The following PRDM16 variants were observed in gnomAD, a reference collection of about 807,000 sequenced individuals.
PRDM16 encodes PR/SET domain 16, also known as histone-lysine N-methyltransferase PRDM16.
Under a neutral mutation model 110.6 loss-of-function variants are expected in PRDM16, and 23 were observed. The ratio of observed to expected loss-of-function variants is 0.21; its 90% CI spans 0.15 to 0.29. PRDM16 has a LOEUF of 0.29. Among genes scored for constraint, PRDM16 ranks in the 10% least tolerant of loss-of-function variants. The pLI, the probability that PRDM16 is intolerant of heterozygous loss-of-function variation, is 1.00. For synonymous variants in PRDM16, 799 were observed against 781.8 expected (o/e 1.02, Z -0.37); for missense variants, 1,615 against 1,794.3 (o/e 0.90, Z 1.81).
At position 3,298,051 on chromosome 1, in the gene PRDM16, T is replaced by G. The variant is rs542777716; in HGVS notation, c.438+53914T>G. Among the ~76,000 whole-genome samples the G allele has an allele frequency of 1.1e-4, 17 of 149,864 alleles. No individual in the cohort carries two copies. The East Asian group carries it at 3.3e-3, about 29-fold the overall frequency. ...ACCCAAGGTACACTAAGGAAGCTGC[T>G]GAGAGTTCTGCAGCACCAGGGCGAT... On this transcript the variant is annotated intron_variant, in intron 3 of 16. Transcript: ENST00000270722.
intron 1 of PRDM16, among the ~76,000 whole-genome samples, chr1:3,094,075 C>T (rs1025863471): frequency 1.9e-4 from 29 of 152,236 alleles, no homozygotes; most frequent in African/African-American, 1.2e-4. Flanking sequence ...GTGGTGGCTG[C>T]AGCCAGTGTG....
intron 1 of PRDM16, among the ~76,000 whole-genome samples, chr1:3,091,035 A>G (rs1303521210): frequency 1.3e-5 from 2 of 152,212 alleles, no homozygotes; most frequent in Non-Finnish European, 2.9e-5. Flanking sequence ...CGGAGACCTC[A>G]GCCGCAAACT....
chr1:3,245,504 GA>G lies in PRDM16; in HGVS notation c.438+1370del, dbSNP rs200755414. On this transcript the variant is annotated intron_variant, in intron 3 of 16. Transcript: ENST00000270722. The surrounding 1 kb of genome is among the most constrained non-coding windows in gnomAD (Gnocchi z 4.7). ...GCAGTGACCCGCTGAAGGGCCTCCG[GA>G]AACTGGGTGAACTGGTTCCCGTGTC... is the stretch of plus-strand genomic sequence containing the variant. Among the ~76,000 whole-genome samples the G allele has an allele frequency of 8.4e-3, 1,276 of 152,286 alleles. 18 individuals carry two copies. The highest frequency in any genetic ancestry group is 0.029 in the African/African-American group (1,214 of 41,550).
chr1:3,391,961 C>T (rs1643308037), intron 4 of PRDM16, among the ~76,000 whole-genome samples: 1 of 152,238 alleles, frequency 6.6e-6, no homozygotes. Context: ...CTGGGCCGGC[C>T]TCGGGGCTCG....
chr1:3,412,513 C>T lies in PRDM16; in HGVS notation c.2316C>T (p.Pro772=), dbSNP rs1643709868. ...LKVGGPSAEC[P]FDLTTKPKDV... is the part of the protein sequence containing the mutation. The stretch of plus-strand genomic sequence containing the variant: ...TGGGCGGCCCCAGTGCCGAGTGCCC[C>T]TTTGATCTCACCACCAAGCCCAAAG... Residue 772 remains proline (P), a synonymous_variant, in exon 9 of 17, where the codon CCC becomes CCT. Transcript: ENST00000270722. 6.2e-7 allele frequency: 1 copy of T among 1,613,104 alleles called. No homozygotes were observed. The highest frequency in any genetic ancestry group is 1.3e-5 in the African/African-American group (1 of 74,948).
At position 3,425,506 on chromosome 1, in the gene PRDM16, TC is replaced by T; in HGVS notation, c.2940-69del. The T allele has an allele frequency of 2.7e-6, 4 of 1,501,694 alleles. No homozygotes were observed. The highest frequency in any genetic ancestry group is 2.7e-6 in the Non-Finnish European group (3 of 1,100,252). The allele number at this position is 1,501,694 out of a possible 1,614,324, so 93.0% of individuals were successfully genotyped here. A position where few individuals can be genotyped will look rare whatever the true frequency, so the allele number is the denominator to read the frequency against. The stretch of plus-strand genomic sequence containing the variant: ...CACGGGGCAGGGGCGCGGGCTCCCT[TC>T]CCCCCACCCTCTGTGGCCCGGCCTG... On this transcript the variant is annotated intron_variant, in intron 12 of 16. Coordinates refer to ENST00000270722, the MANE Select transcript of PRDM16 (RefSeq NM_022114.4). The surrounding 1 kb of genome is among the most constrained non-coding windows in gnomAD (Gnocchi z 6.9).
At chr1:3,196,525 G>A (rs1036303292) in intron 2 of PRDM16, among the ~76,000 whole-genome samples, 3 of 152,334 alleles carry the variant, frequency 2.0e-5, no homozygotes, top group South Asian at 2.1e-4. Context: ...CTCACCGCCC[G>A]GTGCCCCTGC....
chr1:3,077,441 A>T (rs1641925790), intron 1 of PRDM16, among the ~76,000 whole-genome samples: 1 of 152,230 alleles, frequency 6.6e-6, no homozygotes, highest in Admixed American at 6.5e-5. Context: ...GCTTTGGAGA[A>T]TAAAAGTGAG....
chr1:3,403,303 G>T (rs2100643449), intron 6 of PRDM16, among the ~76,000 whole-genome samples: 1 of 152,204 alleles, frequency 6.6e-6, no homozygotes, highest in East Asian at 1.9e-4. Context: ...TGCCTGCCAG[G>T]GCTGCGCTGC....
At chr1:3,396,252 T>C (rs1292318217) in intron 4 of PRDM16, 1 of 565,490 alleles carries the variant, frequency 1.8e-6, no homozygotes, top group Non-Finnish European at 3.4e-6. Context: ...TCCTACCTGT[T>C]TAGTCGGCCA....
chr1:3,243,974 G>T lies in PRDM16; in HGVS notation c.388-113G>T. ...TTTCCTGCTGTGGAGAAGCCACTGG[G>T]TCCCACCCTGTGACTTTTGGGGACA... On this transcript the variant is annotated intron_variant, in intron 2 of 16. Transcript: ENST00000270722. The surrounding 1 kb of genome is among the most constrained non-coding windows in gnomAD (Gnocchi z 5.5). 9.6e-7 allele frequency: 1 copy of T among 1,036,790 alleles called. No homozygotes were observed. Among genetic ancestry groups the T allele is most frequent in the Non-Finnish European group, 1.5e-6 (1 of 662,348 alleles). The allele number at this position is 1,036,790 out of a possible 1,614,324, so 64.2% of individuals were successfully genotyped here. A position where few individuals can be genotyped will look rare whatever the true frequency, so the allele number is the denominator to read the frequency against.
At chr1:3,422,121 ACAGACAGGCAGG>A (rs968092031) in intron 12 of PRDM16, among the ~76,000 whole-genome samples, 9 of 150,464 alleles carry the variant, frequency 6.0e-5, no homozygotes, top group South Asian at 2.1e-4. Context: ...AGACAGATGG[ACAGACAGGCAGG>A]CAGACAGGCA....
Position 3,425,765 on chromosome 1 carries a change from G to T in PRDM16, c.3109+15G>T, listed in dbSNP as rs779637068. Reference sequence around the variant, plus strand: ...GAACGCACCAGGTGGGCCACGCGGGGTGGGGCAGCCCCCAGAGCACCCACA... The same window carrying T: ...GAACGCACCAGGTGGGCCACGCGGGTTGGGGCAGCCCCCAGAGCACCCACA... On this transcript the variant is annotated intron_variant, in intron 13 of 16. Coordinates refer to ENST00000270722, the MANE Select transcript of PRDM16 (RefSeq NM_022114.4). The surrounding 1 kb of genome is among the most constrained non-coding windows in gnomAD (Gnocchi z 6.9). 1.9e-6 allele frequency: 3 copies of T among 1,612,866 alleles called. No homozygotes were observed. Among genetic ancestry groups the T allele is most frequent in the Middle Eastern group, 1.7e-4 (1 of 6,060 alleles).
rs538506716 is a variant in PRDM16, at chr1:3,114,666, A to G, written c.37+45370A>G. Among the ~76,000 whole-genome samples, 23 of 152,216 alleles carry G rather than the reference A, an allele frequency of 1.5e-4. No individual in the cohort carries two copies. The South Asian group carries it at 3.3e-3, about 22-fold the overall frequency. On this transcript the variant is annotated intron_variant, in intron 1 of 16. Coordinates refer to ENST00000270722, the MANE Select transcript of PRDM16 (RefSeq NM_022114.4). ...CAAGCACACACACGTGCACACACAA[A>G]CACACATGCACACATGCACCCGGGT...
chr1:3,316,737 A>C (rs931816082), intron 3 of PRDM16, among the ~76,000 whole-genome samples: 2 of 152,098 alleles, frequency 1.3e-5, no homozygotes, highest in African/African-American at 4.8e-5. Context: ...GACACGGTGT[A>C]GGCAGGAAAC....
rs544878202 is a variant in PRDM16 at position 3,265,277 on chromosome 1, G to C, written c.438+21140G>C. 5.0e-4 allele frequency among the ~76,000 whole-genome samples: 76 copies of C among 152,262 alleles called. No individual in the cohort carries two copies. In the South Asian group the frequency reaches 0.014, roughly 28 times the overall value. Reference sequence around the variant, plus strand: ...CCTTACGGTTGGGACAGAAGCCTCAGGGTGCAGGGGGAGCGGACAGGAATG... The same window carrying C: ...CCTTACGGTTGGGACAGAAGCCTCACGGTGCAGGGGGAGCGGACAGGAATG... On this transcript the variant is annotated intron_variant, in intron 3 of 16. Coordinates refer to ENST00000270722, the MANE Select transcript of PRDM16 (RefSeq NM_022114.4). The surrounding 1 kb of genome is among the most constrained non-coding windows in gnomAD (Gnocchi z 4.5).
intron 2 of PRDM16, among the ~76,000 whole-genome samples, chr1:3,187,664 G>A (rs1189530173): frequency 6.6e-6 from 1 of 152,180 alleles, no homozygotes; most frequent in Non-Finnish European, 1.5e-5. Context: ...GCACGCTGCA[G>A]AGCTGAGTGC....
chr1:3,114,492 GCA>G (rs1038447469), intron 1 of PRDM16, among the ~76,000 whole-genome samples: 4 of 145,754 alleles, frequency 2.7e-5, no homozygotes, highest in Non-Finnish European at 4.5e-5. Context: ...ACGCACGCAC[GCA>G]CACACGCGCA....
At chr1:3,183,888 C>T (rs924540148) in intron 1 of PRDM16, among the ~76,000 whole-genome samples, 1 of 152,282 alleles carries the variant, frequency 6.6e-6, no homozygotes, top group Non-Finnish European at 1.5e-5. Context: ...CGCCCACGCC[C>T]GAGAGGAGTT....
Sources: allele counts gnomAD v4.1 joint callset (sites outside exome capture counted in the v4.1 genomes callset), GRCh38; gene constraint gnomAD v4.1.1; non-coding constraint Gnocchi (gnomAD v3.1); transcripts MANE v1.5; gene names NCBI Gene and HGNC (gene_info 2026-07-23, HGNC 2026-07-21).